Variants in REEP1 observed in about 807,000 individuals in gnomAD.
REEP1 encodes the protein receptor accessory protein 1, also known as receptor expression-enhancing protein 1.
A neutral mutation model predicts 40.3 loss-of-function variants in REEP1; 22 were observed. The ratio of observed to expected loss-of-function variants is 0.55; its 90% confidence interval spans 0.39 to 0.78. REEP1 has a LOEUF of 0.78. REEP1 is among the 30% of genes least tolerant of loss of function. The pLI, the probability that REEP1 is intolerant of heterozygous loss-of-function variation, is 0.00. For synonymous variants in REEP1, 116 were observed against 139.2 expected, an observed-to-expected ratio of 0.83 and a Z score of 1.17; for missense variants, 280 against 361.1, an observed-to-expected ratio of 0.78 and a Z score of 1.82.
At chr2:86,279,228 A>C (rs780182565) in intron 2 of REEP1, among the ~76,000 whole-genome samples, 1 of 152,218 alleles carries the variant, frequency 6.6e-6, no homozygotes, top group Non-Finnish European at 1.5e-5. Flanking sequence ...CACCAACCAC[A>C]CCTTGGGTGT....
At chr2:86,293,054 G>A (rs1391357612) in intron 1 of REEP1, among the ~76,000 whole-genome samples, 1 of 151,584 alleles carries the variant, frequency 6.6e-6, no homozygotes, top group Non-Finnish European at 1.5e-5. Flanking sequence ...AGGGACCTGG[G>A]ACATTAAGAG....
intron 1 of REEP1, among the ~76,000 whole-genome samples, chr2:86,285,655 C>T (rs1032624141): frequency 1.3e-5 from 2 of 152,212 alleles, no homozygotes; most frequent in African/African-American, 4.8e-5. Flanking sequence ...TCTCCCGGGG[C>T]TGCCTGTGCT....
intron 8 of REEP1, among the ~76,000 whole-genome samples, chr2:86,217,442 AC>A (rs1318844406): frequency 2.0e-5 from 3 of 152,006 alleles, no homozygotes; most frequent in African/African-American, 7.3e-5. Context: ...AGAAAGAGAC[AC>A]CTCCGCATGC....
chr2:86,300,647 C>T (rs1233125699), intron 1 of REEP1, among the ~76,000 whole-genome samples: 1 of 152,126 alleles, frequency 6.6e-6, no homozygotes. Flanking sequence ...AACTGCCTTC[C>T]AGGTCCCAGG....
At chr2:86,227,255 T>A in intron 7 of REEP1, 108 bp downstream of exon 7, 1 of 889,268 alleles carries the variant, frequency 1.1e-6, no homozygotes, top group Middle Eastern at 3.9e-4. Flanking sequence ...CCCCTCCCTA[T>A]GACCATGCAG....
chr2:86,316,422 C>T (rs2104500897), intron 1 of REEP1, among the ~76,000 whole-genome samples: 1 of 151,536 alleles, frequency 6.6e-6, no homozygotes, highest in East Asian at 1.9e-4. Context: ...GTGGTGGGTG[C>T]CTGTAATATC....
intron 2 of REEP1, among the ~76,000 whole-genome samples, chr2:86,276,908 A>C (rs746102444): frequency 1.1e-4 from 16 of 152,200 alleles, no homozygotes; most frequent in African/African-American, 2.4e-5. Context: ...TATGCATGTT[A>C]AAGTTTGAGA....
intron 6 of REEP1, among the ~76,000 whole-genome samples, chr2:86,230,840 C>T (rs991110828): frequency 6.6e-6 from 1 of 152,192 alleles, no homozygotes; most frequent in African/African-American, 2.4e-5. Context: ...CCCCTTCGAA[C>T]TTCACCCCAC....
chr2:86,301,826 A>G (rs1259437045), intron 1 of REEP1, among the ~76,000 whole-genome samples: 1 of 152,232 alleles, frequency 6.6e-6, no homozygotes, highest in Non-Finnish European at 1.5e-5. Context: ...CCTGTCCAAG[A>G]GGCTGCAAGT....
intron 7 of REEP1, among the ~76,000 whole-genome samples, chr2:86,221,555 C>T (rs1390968323): frequency 6.6e-6 from 1 of 152,110 alleles, no homozygotes; most frequent in Non-Finnish European, 1.5e-5. Context: ...CCTCCCTGGC[C>T]TCCCCACTCT....
In REEP1 at chr2:86,334,771, C is replaced by T. The variant is rs189279410; in HGVS notation, c.32+2708G>A. ...CTCAGGGAACCCAGTTTGAAAACCA[C>T]AGGAGTAAATTAAGTCTGAGAGCCC... On this transcript the variant is annotated intron_variant, in intron 1 of 8. Transcript: ENST00000538924. Among the ~76,000 whole-genome samples the T allele has an allele frequency of 1.1e-3, 165 of 152,258 alleles. 2 individuals are homozygous for T. Among genetic ancestry groups the T allele is most frequent in the African/African-American group, 3.7e-3 (154 of 41,556 alleles).
At chr2:86,333,087 G>C (rs1680851394) in intron 1 of REEP1, among the ~76,000 whole-genome samples, 1 of 152,200 alleles carries the variant, frequency 6.6e-6, no homozygotes, top group Non-Finnish European at 1.5e-5. Context: ...AGCTCCCACA[G>C]TGTACTACAG....
chr2:86,285,095 C>T (rs977877524), intron 1 of REEP1, among the ~76,000 whole-genome samples: 1 of 152,254 alleles, frequency 6.6e-6, no homozygotes, highest in African/African-American at 2.4e-5. Flanking sequence ...GGCCCTTCTC[C>T]ACCGGCCTCA....
chr2:86,245,529 C>T (rs965225840), intron 5 of REEP1, among the ~76,000 whole-genome samples: 2 of 152,334 alleles, frequency 1.3e-5, no homozygotes. Context: ...ACCTATGACG[C>T]ACTGCCTCCT....
chr2:86,308,622 G>A (rs575904465), intron 1 of REEP1, among the ~76,000 whole-genome samples: 12 of 152,318 alleles, frequency 7.9e-5, no homozygotes, highest in Non-Finnish European at 1.3e-4. Context: ...GGAGCTTGCC[G>A]TGACAACTGG....
chr2:86,219,861 A>G, intron 8 of REEP1, 109 bp downstream of exon 8: 1 of 779,738 alleles, frequency 1.3e-6, no homozygotes. Flanking sequence ...CACCCCAGGT[A>G]TTGAGGAGAT....
intron 2 of REEP1, among the ~76,000 whole-genome samples, chr2:86,279,073 C>T (rs1360786312): frequency 6.6e-6 from 1 of 152,190 alleles, no homozygotes; most frequent in Non-Finnish European, 1.5e-5. Flanking sequence ...CCCTGTGTGG[C>T]CCTACATGGC....
At chr2:86,245,996 C>A (rs1331822113) in intron 5 of REEP1, among the ~76,000 whole-genome samples, 4 of 152,096 alleles carry the variant, frequency 2.6e-5, no homozygotes, top group South Asian at 2.1e-4. Context: ...GATCTCCTGA[C>A]CTCGTGATCC....
chr2:86,236,462 T>G (rs957857798), intron 5 of REEP1, among the ~76,000 whole-genome samples: 3 of 152,122 alleles, frequency 2.0e-5, no homozygotes. Context: ...TTCTCTAAAT[T>G]TGGAAAGCAT....
Sources: allele counts gnomAD v4.1 joint callset (sites outside exome capture counted in the v4.1 genomes callset), GRCh38; gene constraint gnomAD v4.1.1; transcripts MANE v1.5; gene names NCBI Gene and HGNC (gene_info 2026-07-23, HGNC 2026-07-21).